SEMA6D: variants seen among roughly 807,000 people sequenced by gnomAD.
SEMA6D encodes the protein semaphorin-6D.
In SEMA6D, 35 loss-of-function variants were observed where a neutral mutation model predicts 106.6. That is an observed-to-expected ratio of 0.33 (90% confidence interval 0.25 to 0.44). SEMA6D has a LOEUF of 0.44. Ranked by LOEUF, SEMA6D falls within the 20% of genes least tolerant of loss-of-function variation. The probability of loss-of-function intolerance (pLI) is 1.00; values close to 1 mark genes in which losing one functional copy is unlikely to be tolerated. For synonymous variants in SEMA6D, 499 were observed against 487.7 expected, an observed-to-expected ratio of 1.02 and a Z score of -0.31; for missense variants, 1,185 against 1,345.9, an observed-to-expected ratio of 0.88 and a Z score of 1.87.
intron 1 of SEMA6D, among the ~76,000 whole-genome samples, chr15:47,269,851 A>G (rs1332992458): frequency 1.3e-5 from 2 of 151,988 alleles, no homozygotes; most frequent in Admixed American, 6.6e-5. Context: ...AACATCTCCA[A>G]AGTTTTTCAC....
At chr15:47,682,853 A>C (rs1276379553) in intron 4 of SEMA6D, among the ~76,000 whole-genome samples, 1 of 152,230 alleles carries the variant, frequency 6.6e-6, no homozygotes, top group Non-Finnish European at 1.5e-5. Context: ...AGATGAAGAT[A>C]GAAACCCTGG....
chr15:47,570,037 G>A (rs1006559436), intron 3 of SEMA6D, among the ~76,000 whole-genome samples: 4 of 49,970 alleles, frequency 8.0e-5, no homozygotes, highest in African/African-American at 1.9e-4. Flanking sequence ...CTCCCAGCCC[G>A]GGCAACAGAG....
intron 1 of SEMA6D, among the ~76,000 whole-genome samples, chr15:47,299,756 T>C (rs552204881): frequency 6.6e-6 from 1 of 152,214 alleles, no homozygotes; most frequent in Non-Finnish European, 1.5e-5. Flanking sequence ...TAGAAGCTAC[T>C]GTCTACCAGA....
At chr15:47,566,848 C>CA (rs1289174705) in intron 3 of SEMA6D, among the ~76,000 whole-genome samples, 1 of 152,150 alleles carries the variant, frequency 6.6e-6, no homozygotes, top group Non-Finnish European at 1.5e-5. Context: ...GTAGTCCTGA[C>CA]AAAAATATGG....
intron 4 of SEMA6D, among the ~76,000 whole-genome samples, chr15:47,621,425 C>T (rs931288913): frequency 6.6e-6 from 1 of 151,958 alleles, no homozygotes; most frequent in African/African-American, 2.4e-5. Flanking sequence ...TACATAAGCC[C>T]GGTGAATCAA....
chr15:47,245,054 G>T (rs1385116355), intron 1 of SEMA6D, among the ~76,000 whole-genome samples: 12 of 151,582 alleles, frequency 7.9e-5, no homozygotes, highest in African/African-American at 2.9e-4. Flanking sequence ...TGGCTGTGTG[G>T]TATTCCATGG....
chr15:47,343,248 T>TTA (rs1555425175), intron 1 of SEMA6D, among the ~76,000 whole-genome samples: 13 of 146,146 alleles, frequency 8.9e-5, no homozygotes, highest in South Asian at 2.1e-4. Context: ...TAGTTGGATT[T>TTA]TTATTATTAT....
chr15:47,615,605 A>G (rs1469018390), intron 4 of SEMA6D, among the ~76,000 whole-genome samples: 2 of 152,238 alleles, frequency 1.3e-5, no homozygotes, highest in African/African-American at 2.4e-5. Flanking sequence ...TCCTTATCAA[A>G]GAAAACAAAT....
intron 1 of SEMA6D, among the ~76,000 whole-genome samples, chr15:47,349,271 G>A (rs1052606604): frequency 4.6e-5 from 7 of 152,260 alleles, no homozygotes; most frequent in East Asian, 1.9e-4. Context: ...GGCACTTTTT[G>A]TGGATTTGAT....
At chr15:47,557,636 T>G (rs1342271928) in intron 3 of SEMA6D, among the ~76,000 whole-genome samples, 1 of 152,276 alleles carries the variant, frequency 6.6e-6, no homozygotes, top group Non-Finnish European at 1.5e-5. Flanking sequence ...TCATTAAAGT[T>G]TAGTAGCTGT....
At chr15:47,571,894 A>G (rs937770009) in intron 3 of SEMA6D, among the ~76,000 whole-genome samples, 2 of 152,216 alleles carry the variant, frequency 1.3e-5, no homozygotes, top group Non-Finnish European at 2.9e-5. Flanking sequence ...TGAAACAAAC[A>G]AAGAGATGAT....
intron 4 of SEMA6D, among the ~76,000 whole-genome samples, chr15:47,651,893 T>C (rs2077698830): frequency 6.6e-6 from 1 of 152,212 alleles, no homozygotes; most frequent in South Asian, 2.1e-4. Flanking sequence ...GTCACTCCCT[T>C]ATGCTTTACA....
At chr15:47,552,866 T>TATATATATATAAATATATATATAAA (rs1566882847) in intron 3 of SEMA6D, among the ~76,000 whole-genome samples, 66 of 59,578 alleles carry the variant, frequency 1.1e-3, no homozygotes, top group Non-Finnish European at 1.5e-3. Flanking sequence ...ATATATATAT[T>TATATATATATAAATATATATATAAA]TTTATATATA....
intron 2 of SEMA6D, among the ~76,000 whole-genome samples, chr15:47,432,534 A>G (rs1326440081): frequency 4.1e-5 from 4 of 97,972 alleles, no homozygotes; most frequent in Admixed American, 2.1e-4. Flanking sequence ...ATATACATAC[A>G]CATATGTGTT....
intron 1 of SEMA6D, among the ~76,000 whole-genome samples, chr15:47,409,632 A>G (rs1195512420): frequency 6.6e-6 from 1 of 152,198 alleles, no homozygotes; most frequent in Non-Finnish European, 1.5e-5. Flanking sequence ...AGATTTTTCT[A>G]ATTCAGCTTT....
chr15:47,544,332 A>G lies in SEMA6D; in HGVS notation c.-86-56533A>G, dbSNP rs182586541. On this transcript the variant is annotated intron_variant, in intron 3 of 19. Coordinates refer to the SEMA6D transcript ENST00000558014. ...GCATGGGAACCTTTGGGTTAACACT[A>G]ATACTCTTGTTAGAATGTGAATAAC... Among the ~76,000 whole-genome samples the G allele has an allele frequency of 2.3e-3, 343 of 152,250 alleles. 1 individual carries two copies. Among genetic ancestry groups the G allele is most frequent in the African/African-American group, 7.5e-3 (313 of 41,570 alleles).
chr15:47,657,772 T>TGC (rs965523957), intron 4 of SEMA6D, among the ~76,000 whole-genome samples: 1 of 123,530 alleles, frequency 8.1e-6, no homozygotes, highest in Non-Finnish European at 1.6e-5. Context: ...GACAGAGTCT[T>TGC]GCTCTGTCAC....
At chr15:47,562,879 T>C (rs2046120402) in intron 3 of SEMA6D, among the ~76,000 whole-genome samples, 1 of 152,146 alleles carries the variant, frequency 6.6e-6, no homozygotes, top group African/African-American at 2.4e-5. Context: ...AACAACTTGT[T>C]TGAGAATATC....
intron 1 of SEMA6D, among the ~76,000 whole-genome samples, chr15:47,266,202 A>G (rs1238538201): frequency 6.6e-6 from 1 of 151,880 alleles, no homozygotes; most frequent in African/African-American, 2.4e-5. Context: ...TTTACTGCCA[A>G]TTGTCTTTTT....
Sources: allele counts gnomAD v4.1 joint callset (sites outside exome capture counted in the v4.1 genomes callset), GRCh38; gene constraint gnomAD v4.1.1; transcripts MANE v1.5; gene names NCBI Gene and HGNC (gene_info 2026-07-23, HGNC 2026-07-21).